The following CCSER1 variants were observed in gnomAD, a reference collection of about 807,000 sequenced individuals.
CCSER1 encodes serine-rich coiled-coil domain-containing protein 1.
In CCSER1, 41 loss-of-function variants were observed where a neutral mutation model predicts 82.0. The ratio of observed to expected loss-of-function variants is 0.50; its 90% CI spans 0.39 to 0.65. The LOEUF (loss-of-function observed/expected upper bound fraction) is 0.65. CCSER1 is among the 30% of genes least tolerant of loss of function. The probability of loss-of-function intolerance (pLI) is 0.00; values close to 1 mark genes in which losing one functional copy is unlikely to be tolerated. For synonymous variants in CCSER1, 414 were observed against 383.9 expected (o/e 1.08, Z -0.92); for missense variants, 1,119 against 1,064.2 (o/e 1.05, Z -0.72).
intron 10 of CCSER1, among the ~76,000 whole-genome samples, chr4:91,503,482 T>A (rs1759327186): frequency 6.6e-6 from 1 of 152,118 alleles, no homozygotes; most frequent in Admixed American, 6.6e-5. Flanking sequence ...AGAATAAATG[T>A]GAGAAATGTC....
At chr4:91,178,739 A>G (rs564539003) in intron 10 of CCSER1, among the ~76,000 whole-genome samples, 14 of 152,110 alleles carry the variant, frequency 9.2e-5, no homozygotes, top group Non-Finnish European at 1.9e-4. Flanking sequence ...CAGCTCACTG[A>G]TGGGTCTTGA....
intron 10 of CCSER1, among the ~76,000 whole-genome samples, chr4:91,532,829 C>T (rs1350842257): frequency 6.6e-6 from 1 of 151,282 alleles, no homozygotes; most frequent in Admixed American, 6.6e-5. Flanking sequence ...AAGATCACAC[C>T]ACTGCACTGC....
intron 5 of CCSER1, among the ~76,000 whole-genome samples, chr4:90,573,209 G>A (rs1780321557): frequency 6.6e-6 from 1 of 152,224 alleles, no homozygotes; most frequent in Non-Finnish European, 1.5e-5. Flanking sequence ...GTGCTGGGAT[G>A]TGCCTGAAGC....
At chr4:90,909,472 T>C (rs1233114339) in intron 8 of CCSER1, among the ~76,000 whole-genome samples, 1 of 152,010 alleles carries the variant, frequency 6.6e-6, no homozygotes, top group African/African-American at 2.4e-5. Flanking sequence ...GCAGTAGATA[T>C]AAAAAGAAGT....
chr4:91,204,418 G>A (rs560738697), intron 10 of CCSER1, among the ~76,000 whole-genome samples: 1 of 151,772 alleles, frequency 6.6e-6, no homozygotes, highest in Non-Finnish European at 1.5e-5. Context: ...TTTGCTATAT[G>A]TTCTGGAGTT....
At chr4:90,399,438 C>G (rs1274636413) in intron 3 of CCSER1, among the ~76,000 whole-genome samples, 1 of 152,030 alleles carries the variant, frequency 6.6e-6, no homozygotes, top group East Asian at 1.9e-4. Context: ...AAATGGTAGC[C>G]AAATTTTCAC....
chr4:91,030,682 G>T (rs1483958412), intron 9 of CCSER1, among the ~76,000 whole-genome samples: 1 of 151,886 alleles, frequency 6.6e-6, no homozygotes, highest in African/African-American at 2.4e-5. Context: ...GGGCCATATT[G>T]GGTCCATTGT....
At chr4:91,246,819 T>TACAC (rs1221506915) in intron 10 of CCSER1, among the ~76,000 whole-genome samples, 6 of 115,282 alleles carry the variant, frequency 5.2e-5, no homozygotes, top group South Asian at 3.2e-4. Context: ...CATACACACA[T>TACAC]ACACACATAC....
chr4:90,152,525 T>C (rs577086653), intron 1 of CCSER1, among the ~76,000 whole-genome samples: 90 of 152,200 alleles, frequency 5.9e-4, no homozygotes, highest in South Asian at 5.4e-3. Flanking sequence ...GGAGAATGGA[T>C]CCTGAGTAGG....
At chr4:90,265,694 C>T (rs746303188) in intron 1 of CCSER1, among the ~76,000 whole-genome samples, 1 of 151,992 alleles carries the variant, frequency 6.6e-6, no homozygotes, top group African/African-American at 2.4e-5. Flanking sequence ...AATTCTGAAT[C>T]CAGCTGTTTT....
At chr4:91,476,841 C>T (rs1757625194) in intron 10 of CCSER1, among the ~76,000 whole-genome samples, 1 of 151,630 alleles carries the variant, frequency 6.6e-6, no homozygotes, top group Non-Finnish European at 1.5e-5. Flanking sequence ...ATAGATCATG[C>T]TGGGATGTCT....
intron 10 of CCSER1, among the ~76,000 whole-genome samples, chr4:91,580,762 C>T (rs1168488948): frequency 6.6e-6 from 1 of 151,644 alleles, no homozygotes; most frequent in Non-Finnish European, 1.5e-5. Context: ...TTGTTTCTCA[C>T]TTTAAACAAT....
At chr4:90,567,242 T>A (rs1779510998) in intron 5 of CCSER1, among the ~76,000 whole-genome samples, 1 of 152,038 alleles carries the variant, frequency 6.6e-6, no homozygotes, top group Non-Finnish European at 1.5e-5. Flanking sequence ...CTTCCCCTTT[T>A]GAACTGCTGT....
At chr4:90,140,434 A>G (rs1724524697) in intron 1 of CCSER1, among the ~76,000 whole-genome samples, 1 of 152,174 alleles carries the variant, frequency 6.6e-6, no homozygotes, top group South Asian at 2.1e-4. Flanking sequence ...TGCTGAGATT[A>G]CATTCTTCTT....
intron 9 of CCSER1, among the ~76,000 whole-genome samples, chr4:91,062,606 G>A (rs1013332461): frequency 6.6e-6 from 1 of 151,958 alleles, no homozygotes; most frequent in South Asian, 2.1e-4. Flanking sequence ...CCCTTCTCTT[G>A]AGCTTACCCA....
chr4:90,283,074 C>T (rs1175602095), intron 1 of CCSER1, among the ~76,000 whole-genome samples: 2 of 151,940 alleles, frequency 1.3e-5, no homozygotes, highest in South Asian at 2.1e-4. Flanking sequence ...TATATTTCTT[C>T]CTTGCAATCT....
chr4:90,533,192 C>T (rs181709967), intron 5 of CCSER1, among the ~76,000 whole-genome samples: 1 of 149,906 alleles, frequency 6.7e-6, no homozygotes, highest in Non-Finnish European at 1.5e-5. Context: ...CCCGGGTTCA[C>T]GCCATTCTCC....
chr4:90,456,394 T>A (rs1214929865), intron 4 of CCSER1, among the ~76,000 whole-genome samples: 1 of 152,138 alleles, frequency 6.6e-6, no homozygotes, highest in East Asian at 1.9e-4. Flanking sequence ...AAAGAAGAGA[T>A]AGGAGCCACG....
At chr4:90,947,295 T>C (rs1732371302) in intron 9 of CCSER1, among the ~76,000 whole-genome samples, 1 of 152,210 alleles carries the variant, frequency 6.6e-6, no homozygotes, top group Non-Finnish European at 1.5e-5. Flanking sequence ...TATCATTTGG[T>C]AAATATGCTA....
Sources: allele counts gnomAD v4.1 joint callset (sites outside exome capture counted in the v4.1 genomes callset), GRCh38; gene constraint gnomAD v4.1.1; transcripts MANE v1.5; gene names NCBI Gene and HGNC (gene_info 2026-07-23, HGNC 2026-07-21).